ADK: variants seen among roughly 807,000 people sequenced by gnomAD.
ADK encodes the protein N6,N6-dimethyladenosine kinase.
Under a neutral mutation model 44.7 loss-of-function variants are expected in ADK, and 24 were observed. The ratio of observed to expected loss-of-function variants is 0.54; its 90% CI spans 0.39 to 0.76. The LOEUF is 0.76. ADK is among the 30% of genes least tolerant of loss of function. The pLI is 0.00. For missense variants in ADK, 321 were observed against 425.1 expected, an observed-to-expected ratio of 0.76 and a Z score of 2.15; for synonymous variants, 128 against 142.6, an observed-to-expected ratio of 0.90 and a Z score of 0.73.
chr10:74,262,463 A>G (rs1846073872), intron 3 of ADK, among the ~76,000 whole-genome samples: 1 of 152,136 alleles, frequency 6.6e-6, no homozygotes, highest in South Asian at 2.1e-4. Flanking sequence ...AGGGAAGGCA[A>G]GGAGAGGAAG....
At chr10:74,544,325 G>A (rs1009029907) in intron 7 of ADK, among the ~76,000 whole-genome samples, 2 of 152,154 alleles carry the variant, frequency 1.3e-5, no homozygotes, top group African/African-American at 4.8e-5. Flanking sequence ...ACAGTGAGTC[G>A]CCCCATCAGC....
At chr10:74,264,812 A>G (rs1233566579) in intron 3 of ADK, among the ~76,000 whole-genome samples, 1 of 152,090 alleles carries the variant, frequency 6.6e-6, no homozygotes, top group African/African-American at 2.4e-5. Flanking sequence ...GTTTTTTTGC[A>G]TATGGATAAC....
At chr10:74,542,556 A>G (rs962986411) in intron 7 of ADK, among the ~76,000 whole-genome samples, 5 of 152,140 alleles carry the variant, frequency 3.3e-5, no homozygotes, top group Non-Finnish European at 5.9e-5. Context: ...GGTTCTTAAC[A>G]TCAGAACTAT....
chr10:74,281,542 A>G (rs1846936391), intron 3 of ADK, among the ~76,000 whole-genome samples: 1 of 152,250 alleles, frequency 6.6e-6, no homozygotes, highest in Non-Finnish European at 1.5e-5. Context: ...AAAAACAAGG[A>G]AAGAACTTAG....
intron 7 of ADK, among the ~76,000 whole-genome samples, chr10:74,549,277 G>A (rs1225523436): frequency 2.6e-5 from 4 of 152,158 alleles, no homozygotes; most frequent in Admixed American, 6.5e-5. Context: ...ATGGTGTTGT[G>A]TCTTAGGGAT....
chr10:74,495,460 A>G (rs1171631261), intron 6 of ADK, among the ~76,000 whole-genome samples: 2 of 152,170 alleles, frequency 1.3e-5, no homozygotes, highest in African/African-American at 2.4e-5. Context: ...CAGCTTTTTC[A>G]TAGGGGAAGT....
At chr10:74,553,619 G>A (rs1198597964) in intron 7 of ADK, among the ~76,000 whole-genome samples, 3 of 152,132 alleles carry the variant, frequency 2.0e-5, no homozygotes, top group Admixed American at 6.6e-5. Context: ...ATGCAAAACA[G>A]TATTTGTGTT....
intron 9 of ADK, among the ~76,000 whole-genome samples, chr10:74,645,966 C>G (rs1041945150): frequency 6.6e-6 from 1 of 152,144 alleles, no homozygotes; most frequent in African/African-American, 2.4e-5. Context: ...ATGCAGCATA[C>G]ATGAACATCT....
At chr10:74,309,519 C>A (rs189790438) in intron 3 of ADK, among the ~76,000 whole-genome samples, 2 of 152,174 alleles carry the variant, frequency 1.3e-5, no homozygotes, top group Admixed American at 6.5e-5. Flanking sequence ...TTCAGAATTG[C>A]TAGGAGACAG....
At chr10:74,426,927 G>A (rs1844817258) in intron 6 of ADK, among the ~76,000 whole-genome samples, 1 of 152,046 alleles carries the variant, frequency 6.6e-6, no homozygotes, top group Admixed American at 6.6e-5. Context: ...TTCACCTAAT[G>A]CTATCCCTCC....
chr10:74,531,792 C>T (rs1849300159), intron 7 of ADK, among the ~76,000 whole-genome samples: 1 of 152,122 alleles, frequency 6.6e-6, no homozygotes. Context: ...CTCAGCCTCC[C>T]AAAGTGCTGG....
chr10:74,708,402 G>A lies in ADK; in HGVS notation c.1046G>A (p.Arg349Lys). Residue 349 changes from arginine (R) to lysine (K), a missense_variant, in exon 11 of 11, where the codon AGA becomes AAA. Transcript: ENST00000539909. The stretch of plus-strand genomic sequence containing the variant: ...CACTATGCAGCAAGCATCATAATTA[G>A]ACGGACTGGCTGCACCTTTCCTGAG... ...AGHYAASIII[R>K]RTGCTFPEKP... 6.2e-7 allele frequency: 1 copy of A among 1,612,672 alleles called. No homozygotes were observed. The highest frequency in any genetic ancestry group is 1.3e-5 in the African/African-American group (1 of 74,972).
intron 3 of ADK, among the ~76,000 whole-genome samples, chr10:74,231,667 T>C (rs1160457253): frequency 5.3e-5 from 8 of 152,152 alleles, no homozygotes; most frequent in Non-Finnish European, 1.2e-4. Flanking sequence ...GGTCTTGCCA[T>C]GTTGTCCAGG....
intron 5 of ADK, among the ~76,000 whole-genome samples, chr10:74,396,105 A>G (rs987197361): frequency 1.3e-5 from 2 of 152,198 alleles, no homozygotes; most frequent in African/African-American, 2.4e-5. Context: ...TTATAGTGAT[A>G]TTGTTGAGAT....
In ADK at chr10:74,336,181, TG is replaced by T. The variant is rs1228483088; in HGVS notation, c.273+21437del. On this transcript the variant is annotated intron_variant, in intron 4 of 10. Transcript: ENST00000539909. ...GTGATCCATTTTGAGTTAAGTTTTG[TG>T]TATATTGGGTGAGGTCTGTAACAGA... Among the ~76,000 whole-genome samples, 4 of 151,664 alleles carry T rather than the reference TG, an allele frequency of 2.6e-5. No homozygotes were observed. In the East Asian group the frequency reaches 7.7e-4, roughly 29 times the overall value.
chr10:74,449,418 A>T (rs1845694564), intron 6 of ADK, among the ~76,000 whole-genome samples: 1 of 152,214 alleles, frequency 6.6e-6, no homozygotes, highest in Non-Finnish European at 1.5e-5. Flanking sequence ...TGATTGAATA[A>T]CTAGAGTCTG....
At chr10:74,441,202 G>C (rs1845395928) in intron 6 of ADK, among the ~76,000 whole-genome samples, 1 of 152,186 alleles carries the variant, frequency 6.6e-6, no homozygotes, top group Admixed American at 6.5e-5. Flanking sequence ...TTAGCCATCA[G>C]ACAGTGGCAT....
intron 4 of ADK, among the ~76,000 whole-genome samples, chr10:74,378,400 G>A (rs1353906987): frequency 6.6e-6 from 1 of 151,930 alleles, no homozygotes; most frequent in East Asian, 1.9e-4. Context: ...TTAAAAAATA[G>A]CAGTGATAAC....
intron 3 of ADK, among the ~76,000 whole-genome samples, chr10:74,238,215 G>T (rs1432358616): frequency 6.6e-6 from 1 of 152,190 alleles, no homozygotes; most frequent in East Asian, 1.9e-4. Flanking sequence ...TACTCTGGTA[G>T]ATTCTTATCA....
Sources: allele counts gnomAD v4.1 joint callset (sites outside exome capture counted in the v4.1 genomes callset), GRCh38; gene constraint gnomAD v4.1.1; transcripts MANE v1.5; gene names NCBI Gene and HGNC (gene_info 2026-07-23, HGNC 2026-07-21).